SPIDR: variants seen among roughly 807,000 people sequenced by gnomAD.
SPIDR encodes the protein scaffold protein involved in DNA repair.
SPIDR carries 93 observed loss-of-function variants against 104.6 expected under a neutral mutation model. The observed-to-expected ratio is 0.89, with a 90% CI of 0.75 to 1.06. The LOEUF (loss-of-function observed/expected upper bound fraction) is 1.06, where lower values mean the gene tolerates loss of function less well. Ranked by LOEUF, SPIDR falls within the 50% of genes least tolerant of loss-of-function variation. SPIDR has a pLI of 0.00. For missense variants in SPIDR, 1,154 were observed against 1,111.2 expected (o/e 1.04, Z -0.55); for synonymous variants, 431 against 416.9 (o/e 1.03, Z -0.41).
intron 5 of SPIDR, among the ~76,000 whole-genome samples, chr8:47,391,844 A>T (rs1182938715): frequency 2.0e-5 from 3 of 151,972 alleles, no homozygotes; most frequent in African/African-American, 7.2e-5. Flanking sequence ...AAAATACAAA[A>T]AATTAGCTGG....
chr8:47,588,525 TTTTA>T (rs2060578494), intron 8 of SPIDR, among the ~76,000 whole-genome samples: 2 of 152,092 alleles, frequency 1.3e-5, no homozygotes, highest in Non-Finnish European at 2.9e-5. Flanking sequence ...ATAAGGACAT[TTTTA>T]TTTATTCTTT....
intron 5 of SPIDR, among the ~76,000 whole-genome samples, chr8:47,304,503 T>G (rs1485607011): frequency 6.6e-6 from 1 of 152,098 alleles, no homozygotes; most frequent in Non-Finnish European, 1.5e-5. Context: ...CTCGTCTCTA[T>G]TAAAAAAAAT....
intron 10 of SPIDR, chr8:47,673,350 C>T (rs1217353787): frequency 4.4e-6 from 2 of 453,850 alleles, no homozygotes; most frequent in African/African-American, 2.0e-5. Context: ...TTGTTCTTAT[C>T]GTAATGTTAT....
intron 10 of SPIDR, among the ~76,000 whole-genome samples, chr8:47,643,285 C>T (rs1190784510): frequency 6.6e-6 from 1 of 152,162 alleles, no homozygotes; most frequent in Non-Finnish European, 1.5e-5. Flanking sequence ...TCTTTACCTT[C>T]TAGTCTGCAT....
intron 10 of SPIDR, among the ~76,000 whole-genome samples, chr8:47,642,110 C>G (rs908213279): frequency 1.3e-5 from 2 of 152,064 alleles, no homozygotes; most frequent in African/African-American, 4.8e-5. Flanking sequence ...GTGTATGGAG[C>G]AGTGACTTTA....
intron 10 of SPIDR, among the ~76,000 whole-genome samples, chr8:47,624,300 G>A (rs1344500494): frequency 6.6e-6 from 1 of 152,118 alleles, no homozygotes; most frequent in Non-Finnish European, 1.5e-5. Flanking sequence ...ATCTAAAATT[G>A]ACACCCTAAC....
At chr8:47,730,746 A>C (rs1478169779) in intron 19 of SPIDR, among the ~76,000 whole-genome samples, 1 of 152,020 alleles carries the variant, frequency 6.6e-6, no homozygotes, top group Non-Finnish European at 1.5e-5. Flanking sequence ...GACCTGTCCT[A>C]TGGAGACTCC....
intron 10 of SPIDR, among the ~76,000 whole-genome samples, chr8:47,617,386 T>C (rs1033045138): frequency 6.6e-6 from 1 of 152,180 alleles, no homozygotes; most frequent in Non-Finnish European, 1.5e-5. Flanking sequence ...AATTTCTGAG[T>C]AGTCTTTGAA....
chr8:47,328,421 T>A (rs560846625), intron 5 of SPIDR, among the ~76,000 whole-genome samples: 54 of 151,724 alleles, frequency 3.6e-4, no homozygotes, highest in East Asian at 2.7e-3. Flanking sequence ...CTAATTATTT[T>A]TTTTTTTTTT....
chr8:47,325,362 C>T (rs139653384), intron 5 of SPIDR, among the ~76,000 whole-genome samples: 1 of 152,156 alleles, frequency 6.6e-6, no homozygotes, highest in East Asian at 1.9e-4. Context: ...GATTTTTCTC[C>T]ACATTTCTGG....
rs770763624 is a variant in SPIDR at position 47,700,448 on chromosome 8, G to A, written c.1731G>A (p.Ala577=). 11 of 1,614,184 alleles carry A rather than the reference G, an allele frequency of 6.8e-6. 1 individual carries two copies. Among genetic ancestry groups the A allele is most frequent in the South Asian group, 3.3e-5 (3 of 91,080 alleles). ...FSLIDTLWPP[A]IPLKTPGRDQ... is the part of the protein sequence containing the mutation. ...TGATTGACACCCTGTGGCCCCCAGC[G>A]ATACCTCTGAAAACACCTGGCCGCG... The change falls in exon 12 of 20, where the codon GCG becomes GCA. Residue 577 remains alanine (A), a synonymous_variant. Transcript: ENST00000297423.
At chr8:47,490,254 T>G (rs956839447) in intron 8 of SPIDR, among the ~76,000 whole-genome samples, 3 of 152,170 alleles carry the variant, frequency 2.0e-5, no homozygotes, top group Non-Finnish European at 4.4e-5. Context: ...AAATTGCTCA[T>G]CATCACTGGC....
chr8:47,431,597 G>T (rs1554689331), intron 7 of SPIDR, among the ~76,000 whole-genome samples: 1 of 152,136 alleles, frequency 6.6e-6, no homozygotes, highest in African/African-American at 2.4e-5. Flanking sequence ...GCTCAGCTAG[G>T]CTTTGACTGC....
chr8:47,464,964 A>G (rs1446293993), intron 8 of SPIDR, among the ~76,000 whole-genome samples: 1 of 151,992 alleles, frequency 6.6e-6, no homozygotes, highest in Non-Finnish European at 1.5e-5. Context: ...ACGTTTCACC[A>G]TGTTGGCCAG....
intron 5 of SPIDR, among the ~76,000 whole-genome samples, chr8:47,317,468 A>T (rs201088523): frequency 1.2e-4 from 19 of 152,238 alleles, no homozygotes; most frequent in African/African-American, 4.6e-4. Context: ...CTGGAACTGG[A>T]TGGAGCCCAC....
chr8:47,452,878 A>G (rs535889399), intron 8 of SPIDR, among the ~76,000 whole-genome samples: 3 of 152,258 alleles, frequency 2.0e-5, no homozygotes, highest in South Asian at 4.1e-4. Flanking sequence ...CAGGCAGGAG[A>G]AAGAAATAAA....
intron 2 of SPIDR, 53 bp from the exon 3 acceptor site, chr8:47,283,975 G>GTTT: frequency 7.4e-7 from 1 of 1,356,102 alleles, no homozygotes. Context: ...TTTTATAAAA[G>GTTT]TTTTTTTTTA....
At chr8:47,418,767 G>T (rs1380745146) in intron 7 of SPIDR, among the ~76,000 whole-genome samples, 2 of 152,126 alleles carry the variant, frequency 1.3e-5, no homozygotes, top group Non-Finnish European at 2.9e-5. Context: ...GTCATAGATA[G>T]GTCTTACTGT....
chr8:47,466,739 C>T (rs1254271398), intron 8 of SPIDR, among the ~76,000 whole-genome samples: 4 of 150,802 alleles, frequency 2.7e-5, no homozygotes, highest in Admixed American at 6.6e-5. Flanking sequence ...AATTTAACAA[C>T]CTGGCATCAC....
Sources: allele counts gnomAD v4.1 joint callset (sites outside exome capture counted in the v4.1 genomes callset), GRCh38; gene constraint gnomAD v4.1.1; transcripts MANE v1.5; gene names NCBI Gene and HGNC (gene_info 2026-07-23, HGNC 2026-07-21).